The following PLD5 variants were observed in gnomAD, a reference collection of about 807,000 sequenced individuals.
PLD5 encodes phospholipase D family member 5, also known as inactive phospholipase D5.
PLD5 carries 36 observed loss-of-function variants against 61.1 expected under a neutral mutation model. That is an observed-to-expected ratio of 0.59 (90% CI 0.45 to 0.78). The LOEUF is 0.78. Ranked by LOEUF, PLD5 falls within the 30% of genes least tolerant of loss-of-function variation. The pLI is 0.00. For synonymous variants in PLD5, 243 were observed against 242.8 expected, an observed-to-expected ratio of 1.00 and a Z score of -0.01; for missense variants, 515 against 644.4, an observed-to-expected ratio of 0.80 and a Z score of 2.17.
chr1:242,251,852 G>C (rs1420843605), intron 4 of PLD5, among the ~76,000 whole-genome samples: 1 of 152,180 alleles, frequency 6.6e-6, no homozygotes, highest in Non-Finnish European at 1.5e-5. Context: ...CCTTGGAAGA[G>C]AATCAGAGAT....
chr1:242,319,377 T>A (rs1280711475), intron 2 of PLD5, among the ~76,000 whole-genome samples: 1 of 150,698 alleles, frequency 6.6e-6, no homozygotes, highest in East Asian at 1.9e-4. Flanking sequence ...ATACTGATAC[T>A]TACAAATACA....
chr1:242,090,052 G>A lies in PLD5; in HGVS notation c.1413C>T (p.Ile471=), dbSNP rs559576356. 5 of 1,614,176 alleles carry A rather than the reference G, an allele frequency of 3.1e-6. No homozygotes were observed. Among genetic ancestry groups the A allele is most frequent in the Non-Finnish European group, 4.2e-6 (5 of 1,180,004 alleles). Residue 471 remains isoleucine (I), a synonymous_variant, in exon 10 of 10, where the codon ATC becomes ATT. Transcript: ENST00000536534. ...FTQNAGTGLV[I]NQADVRNNRS... ...TGTTGTTCCTCACATCTGCCTGGTT[G>A]ATAACAAGGCCCGTGCCAGCATTCT...
chr1:242,087,432 C>T lies in PLD5; in HGVS notation c.*2422G>A, dbSNP rs892598448. 6.6e-6 allele frequency: 1 copy of T among 152,076 alleles called. No homozygotes were observed. Among genetic ancestry groups the T allele is most frequent in the Non-Finnish European group, 1.5e-5 (1 of 68,024 alleles). The allele number at this position is 152,076 out of a possible 1,614,324, so 9.4% of individuals were successfully genotyped here. A position where few individuals can be genotyped will look rare whatever the true frequency, so the allele number is the denominator to read the frequency against. On this transcript the variant is annotated 3_prime_UTR_variant, in exon 10 of 10. Coordinates refer to ENST00000536534, the MANE Select transcript of PLD5 (RefSeq NM_001372062.1). ...CCATGACACCAAGCCTATGAGTGTCCCATGGCTGTGGATGAATACTTCAGG... is the reference window on the plus strand; with the variant it reads ...CCATGACACCAAGCCTATGAGTGTCTCATGGCTGTGGATGAATACTTCAGG...
chr1:242,164,397 A>G (rs1172565974), intron 5 of PLD5, among the ~76,000 whole-genome samples: 3 of 82,750 alleles, frequency 3.6e-5, no homozygotes, highest in Non-Finnish European at 5.2e-5. Context: ...GTGAATTGAC[A>G]AATATTAAAA....
intron 5 of PLD5, 90 bp downstream of exon 5, chr1:242,219,898 T>G: frequency 2.0e-6 from 3 of 1,480,034 alleles, no homozygotes; most frequent in Non-Finnish European, 1.8e-6. Context: ...GCTGTAGGTT[T>G]TAGGATCCTT....
At chr1:242,154,911 G>T (rs916477402) in intron 5 of PLD5, among the ~76,000 whole-genome samples, 9 of 152,272 alleles carry the variant, frequency 5.9e-5, no homozygotes, top group African/African-American at 2.2e-4. Flanking sequence ...AATAGTTTCA[G>T]AAGGAATGGT....
At chr1:242,278,336 A>G (rs1674527070) in intron 3 of PLD5, among the ~76,000 whole-genome samples, 2 of 152,254 alleles carry the variant, frequency 1.3e-5, no homozygotes, top group African/African-American at 4.8e-5. Context: ...ATTAGAAGGC[A>G]TATCTTAGGT....
At chr1:242,427,583 T>C (rs1026668910) in intron 1 of PLD5, among the ~76,000 whole-genome samples, 2 of 152,208 alleles carry the variant, frequency 1.3e-5, no homozygotes, top group African/African-American at 4.8e-5. Context: ...CAGCAGGTCT[T>C]AAACTCTTGG....
chr1:242,212,042 T>C (rs534953754), intron 5 of PLD5, among the ~76,000 whole-genome samples: 1 of 152,108 alleles, frequency 6.6e-6, no homozygotes, highest in Non-Finnish European at 1.5e-5. Flanking sequence ...GGTCCCAGTA[T>C]CATCTTTAAT....
At chr1:242,097,336 C>T (rs1660327039) in intron 9 of PLD5, among the ~76,000 whole-genome samples, 1 of 152,316 alleles carries the variant, frequency 6.6e-6, no homozygotes, top group Non-Finnish European at 1.5e-5. Flanking sequence ...CTGAGTTCCA[C>T]AATGGTTGAA....
At chr1:242,438,745 A>T (rs1475028963) in intron 1 of PLD5, among the ~76,000 whole-genome samples, 1 of 152,098 alleles carries the variant, frequency 6.6e-6, no homozygotes, top group Non-Finnish European at 1.5e-5. Context: ...ATTTTTAACC[A>T]TTTGCAGAAG....
chr1:242,113,593 A>G (rs1323964545), intron 7 of PLD5, among the ~76,000 whole-genome samples: 2 of 152,138 alleles, frequency 1.3e-5, no homozygotes, highest in East Asian at 3.8e-4. Flanking sequence ...TATCCTTTCA[A>G]ATAATTTTCA....
chr1:242,485,104 T>C (rs1001665098), intron 1 of PLD5, among the ~76,000 whole-genome samples: 4 of 151,748 alleles, frequency 2.6e-5, no homozygotes, highest in African/African-American at 4.8e-5. Context: ...GCCAATATCA[T>C]ACTGAATGGG....
intron 1 of PLD5, among the ~76,000 whole-genome samples, chr1:242,468,701 G>A (rs533333119): frequency 6.3e-4 from 94 of 149,182 alleles, no homozygotes; most frequent in Non-Finnish European, 9.6e-4. Flanking sequence ...ACACACACAC[G>A]CACACACACA....
At position 242,089,319 on chromosome 1, in the gene PLD5, C is replaced by T. The variant is rs993041953; in HGVS notation, c.*535G>A. ...TGGTATAAGAAGAAAATGAGCAAGA[C>T]AGAAAAGGATATTTTTCAAGGGTGT... On this transcript the variant is annotated 3_prime_UTR_variant, in exon 10 of 10. Transcript: ENST00000536534. The T allele has an allele frequency of 5.0e-6, 2 of 399,630 alleles. No individual in the cohort carries two copies. Among genetic ancestry groups the T allele is most frequent in the Non-Finnish European group, 4.4e-6 (1 of 226,944 alleles). 24.8% of individuals were successfully genotyped at this position (399,630 alleles called of 1,614,324 possible).
chr1:242,511,003 T>C (rs982970934), intron 1 of PLD5, among the ~76,000 whole-genome samples: 1 of 152,208 alleles, frequency 6.6e-6, no homozygotes, highest in African/African-American at 2.4e-5. Flanking sequence ...TGTAATATAC[T>C]TATGAGAAAA....
chr1:242,234,129 A>AG (rs1312751631), intron 4 of PLD5, among the ~76,000 whole-genome samples: 2 of 152,196 alleles, frequency 1.3e-5, no homozygotes, highest in Non-Finnish European at 2.9e-5. Flanking sequence ...TTCTTCTTCC[A>AG]GAAAAAAAAA....
chr1:242,132,892 C>A (rs1045239578), intron 5 of PLD5, among the ~76,000 whole-genome samples: 1 of 152,208 alleles, frequency 6.6e-6, no homozygotes, highest in Middle Eastern at 3.4e-3. Context: ...GATGAGGCAG[C>A]AGAATAGGGT....
Position 242,159,579 on chromosome 1 carries a change from T to C in PLD5, c.736-34914A>G, listed in dbSNP as rs560997134. 5.3e-4 allele frequency among the ~76,000 whole-genome samples: 81 copies of C among 152,242 alleles called. 2 individuals carry two copies. The highest frequency in any genetic ancestry group is 1.9e-3 in the African/African-American group (78 of 41,526). ...GGGTACGGTTCTCCGAGGTGGGGCT[T>C]TCTCCGTGATCCCGCCCCAGACCTC... On this transcript the variant is annotated intron_variant, in intron 5 of 9. Transcript: ENST00000536534.
Sources: gnomAD v4.1 joint callset for allele counts (sites outside exome capture counted in the v4.1 genomes callset) on GRCh38, gnomAD v4.1.1 for gene constraint, MANE v1.5 for transcripts, NCBI Gene and HGNC (gene_info 2026-07-23, HGNC 2026-07-21) for gene names.